The following TCF7 variants were observed in gnomAD, a reference collection of about 807,000 sequenced individuals.
The protein encoded by TCF7 is transcription factor 7, also known as T-cell-factor-7.
In TCF7, 19 loss-of-function variants were observed where a neutral mutation model predicts 46.8. That is an observed-to-expected ratio of 0.41 (90% CI 0.28 to 0.60). TCF7 has a LOEUF of 0.60. Among genes scored for constraint, TCF7 ranks in the 20% least tolerant of loss-of-function variants. The pLI, the probability that TCF7 is intolerant of heterozygous loss-of-function variation, is 0.35. For missense variants in TCF7, 547 were observed against 504.6 expected, an observed-to-expected ratio of 1.08 and a Z score of -0.81; for synonymous variants, 245 against 213.4, an observed-to-expected ratio of 1.15 and a Z score of -1.29.
chr5:134,111,950 G>A (rs1755336319), upstream of TCF7, among the ~76,000 whole-genome samples: 1 of 152,152 alleles, frequency 6.6e-6, no homozygotes, highest in South Asian at 2.1e-4. Flanking sequence ...TCACAGGGTT[G>A]GTGTGATGAT....
intron 3 of TCF7, among the ~76,000 whole-genome samples, chr5:134,134,369 C>G (rs961744549): frequency 6.6e-6 from 1 of 152,270 alleles, no homozygotes; most frequent in Non-Finnish European, 1.5e-5. Flanking sequence ...AGCTTAGACT[C>G]GAAAGCCCCC....
intron 3 of TCF7, among the ~76,000 whole-genome samples, chr5:134,129,422 C>T (rs1014954559): frequency 4.9e-4 from 74 of 152,328 alleles, no homozygotes; most frequent in African/African-American, 1.8e-3. Context: ...CCTCGGTCCA[C>T]GGTGGGCTCC....
intron 3 of TCF7, among the ~76,000 whole-genome samples, chr5:134,126,042 T>C (rs946674664): frequency 1.3e-5 from 2 of 152,262 alleles, no homozygotes; most frequent in Non-Finnish European, 2.9e-5. Context: ...GTGTTTTAAA[T>C]AACCAGCATG....
chr5:134,109,770 C>CAAAAAGAA (rs1755306946), upstream of TCF7, among the ~76,000 whole-genome samples: 1 of 140,280 alleles, frequency 7.1e-6, no homozygotes, highest in African/African-American at 2.8e-5. Context: ...GGCTCCATCT[C>CAAAAAGAA]AAAAAAAAAA....
intron 3 of TCF7, among the ~76,000 whole-genome samples, chr5:134,128,495 TG>T (rs1757652970): frequency 6.6e-6 from 1 of 151,764 alleles, no homozygotes; most frequent in African/African-American, 2.4e-5. Flanking sequence ...TGGCTATAGC[TG>T]GGGGAGTGAG....
intron 5 of TCF7, chr5:134,140,711 C>T: frequency 2.3e-6 from 1 of 441,704 alleles, no homozygotes; most frequent in Non-Finnish European, 4.6e-6. Context: ...CAGGATGGGT[C>T]AAGGCCTGCC....
chr5:134,146,553 C>T lies in TCF7; in HGVS notation c.*250C>T, dbSNP rs1475958528. On this transcript the variant is annotated 3_prime_UTR_variant, in exon 10 of 10. Coordinates refer to ENST00000342854, the MANE Select transcript of TCF7 (RefSeq NM_003202.5). ...CAGGACACCTGGCCGCCTCCAGGAG[C>T]CTACCCCCTGAAAGTGACAGAGACC... 2.8e-6 allele frequency: 2 copies of T among 712,360 alleles called. No individual in the cohort carries two copies. Among genetic ancestry groups the T allele is most frequent in the Admixed American group, 2.1e-5 (1 of 46,926 alleles). 44.1% of individuals were successfully genotyped at this position (712,360 alleles called of 1,614,324 possible).
At position 134,138,117 on chromosome 5, in the gene TCF7, A is replaced by G; in HGVS notation, c.500A>G (p.Asn167Ser). 2 of 1,613,216 alleles carry G rather than the reference A, an allele frequency of 1.2e-6. No individual in the cohort carries two copies. The highest frequency in any genetic ancestry group is 8.5e-7 in the Non-Finnish European group (1 of 1,179,622). ...CAACTCTCTCTCTACGAACATTTCA[A>G]CAGCCCACATCCCACCCCTGCACCT... is the stretch of plus-strand genomic sequence containing the variant. The part of the protein sequence containing the change: ...VPQLSLYEHF[N>S]SPHPTPAPAD... The change falls in exon 4 of 10, where the codon AAC becomes AGC. Residue 167 changes from asparagine to serine, a missense_variant. Asn to Ser is a conservative substitution (Grantham distance 46). Coordinates refer to ENST00000342854, the MANE Select transcript of TCF7 (RefSeq NM_003202.5).
intron 9 of TCF7, chr5:134,145,212 G>A (rs776733052): frequency 3.5e-6 from 2 of 575,552 alleles, no homozygotes; most frequent in Non-Finnish European, 6.7e-6. Context: ...CATTCTACCA[G>A]GCCTCAAAGT....
chr5:134,138,575 T>TG (rs1279997077), intron 4 of TCF7: 4 of 279,222 alleles, frequency 1.4e-5, no homozygotes, highest in African/African-American at 2.2e-5. Context: ...GACTCAACCC[T>TG]GGGGGGCAGG....
the TCF7 span, among the ~76,000 whole-genome samples, chr5:134,109,453 G>A: frequency 1.3e-5 from 2 of 152,114 alleles, no homozygotes; most frequent in South Asian, 2.1e-4. Context: ...AAGGCCATAA[G>A]CTCTTCATGG....
chr5:134,114,731 C>T lies in TCF7; in HGVS notation c.-176C>T, dbSNP rs995300282. 1.5e-5 allele frequency: 8 copies of T among 537,902 alleles called. No homozygotes were observed. In the Admixed American group the frequency reaches 2.6e-4, roughly 17 times the overall value. 33.3% of individuals were successfully genotyped at this position (537,902 alleles called of 1,614,324 possible). A position where few individuals can be genotyped will look rare whatever the true frequency, so the allele number is the denominator to read the frequency against. On this transcript the variant is annotated 5_prime_UTR_variant, in exon 1 of 10. Coordinates refer to ENST00000342854, the MANE Select transcript of TCF7 (RefSeq NM_003202.5). ...TCCGACCCGCCAGCTCGCGGAGCCG[C>T]TCTGCCCCGCGCCCTAGCCCGCGCC...
At chr5:134,123,279 A>G (rs1756852910) in intron 3 of TCF7, among the ~76,000 whole-genome samples, 1 of 152,150 alleles carries the variant, frequency 6.6e-6, no homozygotes, top group African/African-American at 2.4e-5. Flanking sequence ...CAGCCTGTCG[A>G]TAGACTACAC....
chr5:134,115,544 G>A lies in TCF7; in HGVS notation c.316+157G>A, dbSNP rs1755684304. ...TGGAGAGTGGGGGGCGGGCTTCCCG[G>A]GCGCCGCCGGGTCGAGTCACTTCCG... On this transcript the variant is annotated intron_variant, in intron 2 of 9. Transcript: ENST00000342854. The A allele has an allele frequency of 7.6e-6, 11 of 1,440,056 alleles. 1 individual carries two copies. In the South Asian group the frequency reaches 1.5e-4, roughly 19 times the overall value. 89.2% of individuals were successfully genotyped at this position (1,440,056 alleles called of 1,614,324 possible). A position where few individuals can be genotyped will look rare whatever the true frequency, so the allele number is the denominator to read the frequency against.
chr5:134,110,945 T>C (rs1755321862), upstream of TCF7, among the ~76,000 whole-genome samples: 1 of 152,230 alleles, frequency 6.6e-6, no homozygotes, highest in African/African-American at 2.4e-5. Flanking sequence ...TGACGTTACA[T>C]GAAGAGCCAA....
chr5:134,142,960 A>G, intron 7 of TCF7, 33 bp from the exon 8 acceptor site: 1 of 1,613,116 alleles, frequency 6.2e-7, no homozygotes, highest in Non-Finnish European at 8.5e-7. Flanking sequence ...TGACTCCCTG[A>G]TGCACCCCAC....
Position 134,134,745 on chromosome 5 carries a change from T to C in TCF7, c.442-3314T>C, listed in dbSNP as rs1375156030. 2.6e-5 allele frequency among the ~76,000 whole-genome samples: 4 copies of C among 152,220 alleles called. No individual in the cohort carries two copies. In the East Asian group the frequency reaches 5.8e-4, roughly 22 times the overall value. On this transcript the variant is annotated intron_variant, in intron 3 of 9. Coordinates refer to ENST00000342854, the MANE Select transcript of TCF7 (RefSeq NM_003202.5). ...AGAGAAGGATGAGACTGGCCCAGGA[T>C]CCTCCAATAAAAGGTCAGTGAAAAG...
intron 3 of TCF7, among the ~76,000 whole-genome samples, chr5:134,118,596 AT>A (rs796641584): frequency 2.9e-4 from 42 of 146,412 alleles, no homozygotes; most frequent in Admixed American, 6.1e-4. Context: ...CACGGGACAC[AT>A]TTTTTTTTTT....
chr5:134,112,563 T>C (rs2149257360), upstream of TCF7, among the ~76,000 whole-genome samples: 1 of 152,330 alleles, frequency 6.6e-6, no homozygotes, highest in South Asian at 2.1e-4. Context: ...CATAGGACAG[T>C]TGTTCCCAGA....
Sources: allele counts gnomAD v4.1 joint callset (sites outside exome capture counted in the v4.1 genomes callset), GRCh38; gene constraint gnomAD v4.1.1; transcripts MANE v1.5; gene names NCBI Gene and HGNC (gene_info 2026-07-23, HGNC 2026-07-21).